Variants in GNA13 observed in about 807,000 individuals in gnomAD.
GNA13 encodes the protein G protein subunit alpha 13, also known as guanine nucleotide-binding protein subunit alpha-13.
GNA13 carries 4 observed loss-of-function variants against 33.5 expected under a neutral mutation model. The ratio of observed to expected loss-of-function variants is 0.12; its 90% CI spans 0.06 to 0.27. The LOEUF is 0.27. Ranked by LOEUF, GNA13 falls within the 10% of genes least tolerant of loss-of-function variation. GNA13 has a pLI of 1.00. For synonymous variants in GNA13, 176 were observed against 183.8 expected (o/e 0.96, Z 0.34); for missense variants, 319 against 487.2 (o/e 0.65, Z 3.25).
chr17:65,031,083 C>G (rs1179304496), intron 2 of GNA13, among the ~76,000 whole-genome samples: 1 of 152,076 alleles, frequency 6.6e-6, no homozygotes, highest in African/African-American at 2.4e-5. Context: ...AGAGAACCAA[C>G]CAAGTGCTAT....
At chr17:65,037,324 C>T (rs1907282991) in intron 2 of GNA13, among the ~76,000 whole-genome samples, 2 of 152,252 alleles carry the variant, frequency 1.3e-5, no homozygotes, top group South Asian at 2.1e-4. Flanking sequence ...GAACAGTGAG[C>T]TTGACTTCAA....
At position 65,009,785 on chromosome 17, in the gene GNA13, T is replaced by A. The variant is rs1906114544; in HGVS notation, c.*4472A>T. 1.3e-5 allele frequency among the ~76,000 whole-genome samples: 2 copies of A among 152,366 alleles called. No homozygotes were observed. On this transcript the variant is annotated 3_prime_UTR_variant, in exon 4 of 4. Coordinates refer to ENST00000439174, the MANE Select transcript of GNA13 (RefSeq NM_006572.6). ...TAAATGGCATAGTTTGTTGCACTGTTGCTTATACTGTGCAAGAATTAATCT... is the reference window on the plus strand; with the variant it reads ...TAAATGGCATAGTTTGTTGCACTGTAGCTTATACTGTGCAAGAATTAATCT...
At chr17:65,028,142 C>T (rs1471692397) in intron 2 of GNA13, among the ~76,000 whole-genome samples, 2 of 152,192 alleles carry the variant, frequency 1.3e-5, no homozygotes, top group Admixed American at 6.5e-5. Flanking sequence ...AGGAGAATGG[C>T]GTGAACCCGG....
chr17:65,036,254 G>A (rs1383963310), intron 2 of GNA13, among the ~76,000 whole-genome samples: 4 of 152,210 alleles, frequency 2.6e-5, no homozygotes, highest in Non-Finnish European at 5.9e-5. Context: ...TGATGAATGT[G>A]AAAATTAGCT....
At position 65,010,199 on chromosome 17, in the gene GNA13, T is replaced by C. The variant is rs532550333; in HGVS notation, c.*4058A>G. On this transcript the variant is annotated 3_prime_UTR_variant, in exon 4 of 4. Coordinates refer to ENST00000439174, the MANE Select transcript of GNA13 (RefSeq NM_006572.6). ...CTAACTACACGTTCAAGTACAGACA[T>C]AAGAATGCTAGTGGTACAAACACTG... 2.5e-4 allele frequency among the ~76,000 whole-genome samples: 38 copies of C among 152,272 alleles called. 1 individual carries two copies. The highest frequency in any genetic ancestry group is 1.2e-3 in the South Asian group (6 of 4,820).
At chr17:65,019,629 A>G (rs1251034179) in intron 2 of GNA13, among the ~76,000 whole-genome samples, 1 of 152,196 alleles carries the variant, frequency 6.6e-6, no homozygotes, top group Non-Finnish European at 1.5e-5. Context: ...AAGCAATTGA[A>G]CCCATGGAGA....
Position 65,014,227 on chromosome 17 carries a change from AAG to A in GNA13, c.*28_*29del, listed in dbSNP as rs1906285944. 1 of 1,281,598 alleles carries A rather than the reference AAG, an allele frequency of 7.8e-7. No homozygotes were observed. The allele number at this position is 1,281,598 out of a possible 1,614,324, so 79.4% of individuals were successfully genotyped here. A position where few individuals can be genotyped will look rare whatever the true frequency, so the allele number is the denominator to read the frequency against. ...AAACAGAAAACATCAAAAACACAAA[AAG>A]ATATTAAAACAGCAAGTCTTTTGTA... is the stretch of plus-strand genomic sequence containing the variant. On this transcript the variant is annotated 3_prime_UTR_variant, in exon 4 of 4. Transcript: ENST00000439174. The surrounding 1 kb of genome is among the most constrained non-coding windows in gnomAD (Gnocchi z 5.3).
chr17:65,050,472 T>C (rs925950731), intron 2 of GNA13, among the ~76,000 whole-genome samples: 4 of 152,240 alleles, frequency 2.6e-5, no homozygotes, highest in African/African-American at 7.2e-5. Flanking sequence ...TTCATGCCTA[T>C]AATCCCAACA....
intron 2 of GNA13, among the ~76,000 whole-genome samples, chr17:65,039,630 T>G (rs1159409815): frequency 1.3e-5 from 2 of 152,250 alleles, no homozygotes; most frequent in African/African-American, 2.4e-5. Context: ...TTCTCATCCA[T>G]GGGATCTGAA....
At chr17:65,050,871 C>G (rs1286374920) in intron 2 of GNA13, among the ~76,000 whole-genome samples, 1 of 152,184 alleles carries the variant, frequency 6.6e-6, no homozygotes, top group East Asian at 1.9e-4. Context: ...AAAAGTATTT[C>G]TGGAACTTAT....
At chr17:65,038,126 C>T (rs1422935977) in intron 2 of GNA13, among the ~76,000 whole-genome samples, 3 of 152,078 alleles carry the variant, frequency 2.0e-5, no homozygotes, top group East Asian at 1.9e-4. Flanking sequence ...CATTTATGGC[C>T]GGGTGCAGTG....
intron 2 of GNA13, among the ~76,000 whole-genome samples, chr17:65,037,777 G>GAAAAAAAAAAAAAAAAAAAAAAAAAA (rs145051963): frequency 1.2e-5 from 1 of 82,062 alleles, no homozygotes. Context: ...CTACAAAAAT[G>GAAAAAAAAAAAAAAAAAAAAAAAAAA]GAAAAAAAAA....
intron 2 of GNA13, among the ~76,000 whole-genome samples, chr17:65,047,966 C>T (rs892928723): frequency 5.3e-5 from 8 of 152,174 alleles, no homozygotes; most frequent in Non-Finnish European, 1.2e-4. Context: ...AATGAATACA[C>T]TATCTTATCG....
rs1156416716 is a variant in GNA13, at chr17:65,039,556, TC to T, written c.510+13945del. Among the ~76,000 whole-genome samples the T allele has an allele frequency of 5.9e-5, 9 of 152,334 alleles. No homozygotes were observed. The South Asian group carries it at 1.2e-3, about 21-fold the overall frequency. ...TTTTCTGACCAGCAGTAAGTTTTTT[TC>T]CAACTTTGCACATGGTGCTCATTCT... On this transcript the variant is annotated intron_variant, in intron 2 of 3. Transcript: ENST00000439174.
At chr17:65,031,915 AGAGAGAGTGTGT>A (rs1388659664) in intron 2 of GNA13, among the ~76,000 whole-genome samples, 90 of 131,420 alleles carry the variant, frequency 6.8e-4, no homozygotes, top group African/African-American at 2.7e-3. Context: ...AGAGAGAGAG[AGAGAGAGTGTGT>A]GTGTGTGTGT....
At chr17:65,031,857 C>A (rs976002467) in intron 2 of GNA13, among the ~76,000 whole-genome samples, 3 of 126,298 alleles carry the variant, frequency 2.4e-5, no homozygotes, top group Non-Finnish European at 3.3e-5. Flanking sequence ...TACACCAACC[C>A]GGACAACATA....
intron 2 of GNA13, among the ~76,000 whole-genome samples, chr17:65,019,625 T>C (rs1323273265): frequency 6.6e-6 from 1 of 152,048 alleles, no homozygotes; most frequent in Non-Finnish European, 1.5e-5. Context: ...ATCAAAGCAA[T>C]TGAACCCATG....
chr17:65,047,279 T>G (rs1208387006), intron 2 of GNA13, among the ~76,000 whole-genome samples: 1 of 152,068 alleles, frequency 6.6e-6, no homozygotes, highest in Non-Finnish European at 1.5e-5. Flanking sequence ...TCCCAGCACT[T>G]TAGGAGGCTG....
intron 2 of GNA13, among the ~76,000 whole-genome samples, chr17:65,036,610 G>A (rs1387937137): frequency 6.6e-6 from 1 of 152,232 alleles, no homozygotes; most frequent in African/African-American, 2.4e-5. Context: ...GGAAGGTGAG[G>A]CATAAGAATC....
Sources: allele counts gnomAD v4.1 joint callset (sites outside exome capture counted in the v4.1 genomes callset), GRCh38; gene constraint gnomAD v4.1.1; non-coding constraint Gnocchi (gnomAD v3.1); transcripts MANE v1.5; gene names NCBI Gene and HGNC (gene_info 2026-07-23, HGNC 2026-07-21).